IRGM: variants seen among roughly 807,000 people sequenced by gnomAD.
IRGM encodes immunity-related GTPase family M protein.
For missense variants in IRGM, 288 were observed against 219.9 expected (o/e 1.31, Z -1.96); for synonymous variants, 98 against 80.6 (o/e 1.22, Z -1.16).
chr5:150,871,258 CT>C (rs976342946), intron 1 of IRGM, among the ~76,000 whole-genome samples: 4 of 152,078 alleles, frequency 2.6e-5, no homozygotes. Flanking sequence ...GCAATCTGCC[CT>C]AGCTGAAATA....
intron 1 of IRGM, among the ~76,000 whole-genome samples, chr5:150,855,648 T>G (rs901888964): frequency 2.6e-5 from 4 of 152,198 alleles, no homozygotes; most frequent in Non-Finnish European, 5.9e-5. Context: ...CTTCATCTTT[T>G]CACCACCTGT....
At chr5:150,862,818 G>A (rs2113266629) in intron 1 of IRGM, among the ~76,000 whole-genome samples, 1 of 152,318 alleles carries the variant, frequency 6.6e-6, no homozygotes, top group African/African-American at 2.4e-5. Context: ...AGCAATGACA[G>A]CCCTAGACCA....
intron 1 of IRGM, among the ~76,000 whole-genome samples, chr5:150,862,849 A>G (rs1754155354): frequency 6.6e-6 from 1 of 152,150 alleles, no homozygotes. Context: ...GGGAAGTTAG[A>G]TCTTGCAAAG....
chr5:150,896,732 T>C, intron 3 of IRGM: 3 of 1,613,600 alleles, frequency 1.9e-6, no homozygotes, highest in Non-Finnish European at 2.5e-6. Context: ...CTTGAAATAT[T>C]TTCCCCAGTG....
intron 1 of IRGM, among the ~76,000 whole-genome samples, chr5:150,874,843 T>C (rs1041143513): frequency 2.6e-5 from 4 of 152,172 alleles, no homozygotes. Context: ...ATAACTACTC[T>C]CCTTTTGAGA....
intron 3 of IRGM, among the ~76,000 whole-genome samples, chr5:150,880,578 T>A (rs553060801): frequency 1.3e-5 from 2 of 152,308 alleles, no homozygotes; most frequent in Non-Finnish European, 2.9e-5. Context: ...TCCTAGGTCA[T>A]GTATCTAGGT....
chr5:150,855,652 C>T (rs1754038856), intron 1 of IRGM, among the ~76,000 whole-genome samples: 1 of 152,114 alleles, frequency 6.6e-6, no homozygotes, highest in African/African-American at 2.4e-5. Flanking sequence ...ATCTTTTCAC[C>T]ACCTGTAGTT....
Position 150,897,112 on chromosome 5 carries a change from A to G in IRGM, c.*141-3477A>G, listed in dbSNP as rs1754820124. The stretch of plus-strand genomic sequence containing the variant: ...GAAACAGGTCATCTCAGAAGACAGT[A>G]CAGCATATAGTGTTATCAGGTGAAT... On this transcript the variant is annotated intron_variant and NMD_transcript_variant, in intron 3 of 3. Coordinates refer to the IRGM transcript ENST00000520549. 12 of 632,176 alleles carry G rather than the reference A, an allele frequency of 1.9e-5. 1 individual carries two copies. In the South Asian group the frequency reaches 2.5e-4, roughly 13 times the overall value. The allele number at this position is 632,176 out of a possible 1,614,324, so 39.2% of individuals were successfully genotyped here. A position where few individuals can be genotyped will look rare whatever the true frequency, so the allele number is the denominator to read the frequency against.
Position 150,848,105 on chromosome 5 carries a change from T to C in IRGM, c.-19T>C, listed in dbSNP as rs777270209. The C allele has an allele frequency of 6.7e-5, 102 of 1,526,950 alleles. No individual in the cohort carries two copies. The highest frequency in any genetic ancestry group is 7.9e-5 in the Non-Finnish European group (89 of 1,132,902). The allele number at this position is 1,526,950 out of a possible 1,614,324, so 94.6% of individuals were successfully genotyped here. ...CATGAGCCACGGCGCCTGGCCAGCA[T>C]TGGGGTATTTTATTGAAGATGGAAG... On this transcript the variant is annotated 5_prime_UTR_variant, in exon 2 of 2. Coordinates refer to ENST00000522154, the MANE Select transcript of IRGM (RefSeq NM_001145805.2).
At chr5:150,895,671 C>T (rs765291036) in intron 3 of IRGM, 2 of 1,613,248 alleles carry the variant, frequency 1.2e-6, no homozygotes, top group African/African-American at 2.7e-5. Flanking sequence ...ACATTCAGTA[C>T]ATATATAAGG....
chr5:150,896,339 A>T (rs1365828017), intron 3 of IRGM: 1 of 1,613,662 alleles, frequency 6.2e-7, no homozygotes, highest in Admixed American at 1.7e-5. Context: ...TTCCGCATGC[A>T]CCACAATCAT....
chr5:150,876,589 G>A (rs1243064831), intron 1 of IRGM, among the ~76,000 whole-genome samples: 2 of 152,226 alleles, frequency 1.3e-5, no homozygotes, highest in Non-Finnish European at 2.9e-5. Flanking sequence ...CTAAGGAAGA[G>A]TATGTGTGGA....
intron 1 of IRGM, among the ~76,000 whole-genome samples, chr5:150,862,727 T>A (rs1235801247): frequency 6.6e-6 from 1 of 152,182 alleles, no homozygotes; most frequent in South Asian, 2.1e-4. Context: ...GGTTTTTAAC[T>A]GCAGTATAAT....
rs1390516945 is a variant in IRGM at position 150,848,184 on chromosome 5, A to G, written c.61A>G (p.Asn21Asp). The G allele has an allele frequency of 2.6e-6, 4 of 1,551,616 alleles. No individual in the cohort carries two copies. Among genetic ancestry groups the G allele is most frequent in the African/African-American group, 1.4e-5 (1 of 73,052 alleles). The change falls in exon 2 of 2, where the codon AAC becomes GAC. Residue 21 changes from asparagine to aspartate, a missense_variant. By Grantham distance (23) the Asn-to-Asp change is conservative. Coordinates refer to ENST00000522154, the MANE Select transcript of IRGM (RefSeq NM_001145805.2). ...TGGGAACTTGCCAGAGGTGATCTCT[A>G]ACATCAAGGAGACTCTGAAGATAGT... ...ADGNLPEVIS[N>D]IKETLKIVSR... is the part of the protein sequence containing the mutation.
At chr5:150,858,906 G>A (rs1170900571) in intron 1 of IRGM, among the ~76,000 whole-genome samples, 4 of 151,994 alleles carry the variant, frequency 2.6e-5, no homozygotes, top group Admixed American at 6.6e-5. Context: ...TTCCTAATTG[G>A]ATACCCTTTA....
chr5:150,897,703 T>C (rs1055114540), intron 3 of IRGM: 18 of 245,432 alleles, frequency 7.3e-5, no homozygotes, highest in Admixed American at 2.5e-4. Context: ...TCACATCTCT[T>C]TAGACTCTTA....
chr5:150,897,580 A>G (rs1277913102), intron 3 of IRGM: 3 of 158,944 alleles, frequency 1.9e-5, no homozygotes, highest in Non-Finnish European at 4.1e-5. Flanking sequence ...TTTTGTTCAT[A>G]TACTCTCTCT....
At chr5:150,888,088 G>T (rs1754553109) in intron 3 of IRGM, among the ~76,000 whole-genome samples, 1 of 151,944 alleles carries the variant, frequency 6.6e-6, no homozygotes, top group African/African-American at 2.4e-5. Flanking sequence ...TCAAAAAAAA[G>T]GGATGGAGGG....
At chr5:150,895,107 C>T in intron 3 of IRGM, 1 of 219,804 alleles carries the variant, frequency 4.5e-6, no homozygotes, top group East Asian at 9.8e-5. Flanking sequence ...CTAATATTAG[C>T]AGTTTCACAA....
Sources: allele counts gnomAD v4.1 joint callset (sites outside exome capture counted in the v4.1 genomes callset), GRCh38; gene constraint gnomAD v4.1.1; transcripts MANE v1.5; gene names NCBI Gene and HGNC (gene_info 2026-07-23, HGNC 2026-07-21).